ZBP1: variants seen among roughly 807,000 people sequenced by gnomAD.
ZBP1 encodes Z-DNA-binding protein 1.
A neutral mutation model predicts 41.1 loss-of-function variants in ZBP1; 42 were observed. That is an observed-to-expected ratio of 1.02 (90% CI 0.80 to 1.32). The LOEUF (loss-of-function observed/expected upper bound fraction) is 1.32, where lower values mean the gene tolerates loss of function less well. ZBP1 is among the 40% of genes most tolerant of loss of function. The probability of loss-of-function intolerance (pLI) is 0.00; values close to 1 mark genes in which losing one functional copy is unlikely to be tolerated. For missense variants in ZBP1, 562 were observed against 549.7 expected (o/e 1.02, Z -0.22); for synonymous variants, 214 against 205.2 (o/e 1.04, Z -0.37).
chr20:57,616,885 A>C, intron 1 of ZBP1: 1 of 215,908 alleles, frequency 4.6e-6, no homozygotes. Context: ...GCCTGGGTTT[A>C]CCTGATGCCC....
Position 57,604,501 on chromosome 20 carries a change from A to C in ZBP1, c.*72T>G, listed in dbSNP as rs1178151320. On this transcript the variant is annotated 3_prime_UTR_variant, in exon 8 of 8. Transcript: ENST00000371173. ...TCAAACAAGACGCTAAGGAATGCAG[A>C]GAGCAGCAGGCTAGTCTCCCTAGCA... is the stretch of plus-strand genomic sequence containing the variant. The C allele has an allele frequency of 6.4e-7, 1 of 1,555,318 alleles. No homozygotes were observed. Among genetic ancestry groups the C allele is most frequent in the Non-Finnish European group, 8.9e-7 (1 of 1,128,310 alleles).
rs750113106 is a variant in ZBP1 at position 57,604,589 on chromosome 20, C to A, written c.1274G>T (p.Trp425Leu). The A allele has an allele frequency of 1.1e-4, 184 of 1,613,692 alleles. No individual in the cohort carries two copies. Among genetic ancestry groups the A allele is most frequent in the Non-Finnish European group, 1.5e-4 (180 of 1,179,784 alleles). Reference sequence around the variant, plus strand: ...GGCTGTGCACTAAATCCCACCTCCCCACCAGCTCCCCTCGTGTGAGGCTTC... The same window carrying A: ...GGCTGTGCACTAAATCCCACCTCCCAACCAGCTCCCCTCGTGTGAGGCTTC... ...VDEASHEGSW[W>L]GGGI The change falls in exon 8 of 8, where the codon TGG (tryptophan) becomes TTG (leucine). Residue 425 changes from tryptophan (W) to leucine (L), a missense_variant. Trp to Leu is a moderately conservative substitution (Grantham distance 61). Transcript: ENST00000371173.
chr20:57,606,882 C>G (rs2070510683), intron 7 of ZBP1, among the ~76,000 whole-genome samples: 1 of 152,160 alleles, frequency 6.6e-6, no homozygotes, highest in Non-Finnish European at 1.5e-5. Flanking sequence ...TCTGAGTGTT[C>G]CGCATCCTGG....
chr20:57,606,712 C>T (rs1241152718), intron 7 of ZBP1, among the ~76,000 whole-genome samples: 1 of 152,166 alleles, frequency 6.6e-6, no homozygotes, highest in Non-Finnish European at 1.5e-5. Context: ...GATGCTAAAT[C>T]GACTCTGCCT....
At chr20:57,616,726 G>T in intron 1 of ZBP1, 1 of 494,148 alleles carries the variant, frequency 2.0e-6, no homozygotes, top group Non-Finnish European at 3.7e-6. Context: ...CCTCGCCTGT[G>T]CCCTCCCCGG....
At chr20:57,607,038 G>A (rs1248596310) in intron 7 of ZBP1, 2 of 1,292,420 alleles carry the variant, frequency 1.5e-6, no homozygotes, top group East Asian at 5.6e-5. Context: ...ATGGATTAAG[G>A]AGTAACTTCA....
rs969914928 is a variant in ZBP1 at position 57,613,936 on chromosome 20, G to T, written c.503-606C>A. ...GCGGGGCCCATCACCACCCTCCAGGGTCTCAGCTCCTGTGCCTTTGTGGGC... is the reference window on the plus strand; with the variant it reads ...GCGGGGCCCATCACCACCCTCCAGGTTCTCAGCTCCTGTGCCTTTGTGGGC... On this transcript the variant is annotated intron_variant, in intron 4 of 7. Coordinates refer to ENST00000371173, the MANE Select transcript of ZBP1 (RefSeq NM_030776.3). The surrounding 1 kb of genome is among the most constrained non-coding windows in gnomAD (Gnocchi z 4.5). 6.6e-6 allele frequency among the ~76,000 whole-genome samples: 1 copy of T among 152,220 alleles called. No homozygotes were observed. The highest frequency in any genetic ancestry group is 1.5e-5 in the Non-Finnish European group (1 of 68,046).
At position 57,604,640 on chromosome 20, in the gene ZBP1, G is replaced by A; in HGVS notation, c.1223C>T (p.Ala408Val). Residue 408 changes from alanine (A) to valine (V), a missense_variant, in exon 8 of 8, where the codon GCT (alanine) becomes GTT (valine). Coordinates refer to ENST00000371173, the MANE Select transcript of ZBP1 (RefSeq NM_030776.3). Reference sequence around the variant, plus strand: ...ATCCACATAGTGGCTGCCTTCTGCAGCTTTGTGACTCCTGTTTCCAAGAGT... The same window carrying A: ...ATCCACATAGTGGCTGCCTTCTGCAACTTTGTGACTCCTGTTTCCAAGAGT... ...TMTLGNRSHK[A>V]AEGSHYVDEA... 6.2e-7 allele frequency: 1 copy of A among 1,614,186 alleles called. No homozygotes were observed. Among genetic ancestry groups the A allele is most frequent in the Non-Finnish European group, 8.5e-7 (1 of 1,180,044 alleles).
At position 57,610,322 on chromosome 20, in the gene ZBP1, A is replaced by T. The variant is rs754072028; in HGVS notation, c.920T>A (p.Ile307Asn). 6 of 1,614,092 alleles carry T rather than the reference A, an allele frequency of 3.7e-6. No individual in the cohort carries two copies. The highest frequency in any genetic ancestry group is 5.1e-6 in the Non-Finnish European group (6 of 1,180,000). Residue 307 changes from isoleucine (I) to asparagine (N), a missense_variant, in exon 7 of 8, where the codon ATT becomes AAT. Ile to Asn is a moderately radical substitution (Grantham distance 149). Transcript: ENST00000371173. This position sits in a 1 kb window ranked among gnomAD's most constrained non-coding sequence, Gnocchi z 5.5. ...AGPEASFEAR[I>N]PSPGTHPEGE... ...CTCAGGGTGAGTTCCTGGACTGGGA[A>T]TTCTTGCTTCAAACGAAGCTTCTGG...
At position 57,604,421 on chromosome 20, in the gene ZBP1, C is replaced by T; in HGVS notation, c.*152G>A. On this transcript the variant is annotated 3_prime_UTR_variant, in exon 8 of 8. Coordinates refer to ENST00000371173, the MANE Select transcript of ZBP1 (RefSeq NM_030776.3). Reference sequence around the variant, plus strand: ...GACCTGGCCTGAACCCATCCCCATGCCAGGTCCATTCCCCCAAAACTGATT... The same window carrying T: ...GACCTGGCCTGAACCCATCCCCATGTCAGGTCCATTCCCCCAAAACTGATT... The T allele has an allele frequency of 1.0e-6, 1 of 971,060 alleles. No individual in the cohort carries two copies. Among genetic ancestry groups the T allele is most frequent in the Non-Finnish European group, 1.6e-6 (1 of 619,144 alleles). The allele number at this position is 971,060 out of a possible 1,614,324, so 60.2% of individuals were successfully genotyped here. A position where few individuals can be genotyped will look rare whatever the true frequency, so the allele number is the denominator to read the frequency against.
Position 57,611,734 on chromosome 20 carries a change from G to A in ZBP1, c.867C>T (p.Ser289=). The change falls in exon 6 of 8, where the codon AGC becomes AGT. Residue 289 remains serine (S), a synonymous_variant. Transcript: ENST00000371173. Reference sequence around the variant, plus strand: ...CCTCTAGATCCCAGTTACCTGGGGGGCTGCCAGGGGGGATGTGGGCAGGGC... The same window carrying A: ...CCTCTAGATCCCAGTTACCTGGGGGACTGCCAGGGGGGATGTGGGCAGGGC... ...SEGPAHIPPG[S]PPVSATAAGP... 1.2e-6 allele frequency: 2 copies of A among 1,608,380 alleles called. No homozygotes were observed. Among genetic ancestry groups the A allele is most frequent in the Middle Eastern group, 1.8e-4 (1 of 5,412 alleles).
intron 7 of ZBP1, among the ~76,000 whole-genome samples, chr20:57,606,650 G>C (rs1402865653): frequency 1.3e-5 from 2 of 152,200 alleles, no homozygotes; most frequent in East Asian, 3.8e-4. Context: ...GTGACTTTCA[G>C]CTGAAGCCTC....
chr20:57,615,158 G>T, intron 3 of ZBP1, 98 bp from the exon 4 acceptor site: 2 of 1,352,030 alleles, frequency 1.5e-6, no homozygotes, highest in Non-Finnish European at 2.1e-6. Flanking sequence ...AGCCCCTCAA[G>T]GCCTGGTTTC....
At chr20:57,618,677 G>A (rs1219729959) in intron 1 of ZBP1, among the ~76,000 whole-genome samples, 2 of 152,100 alleles carry the variant, frequency 1.3e-5, no homozygotes, top group Non-Finnish European at 2.9e-5. Flanking sequence ...CACCTCCTGG[G>A]TTCAAGCAAT....
At position 57,616,361 on chromosome 20, in the gene ZBP1, C is replaced by T. The variant is rs769676375; in HGVS notation, c.142G>A (p.Val48Ile). 6.2e-7 allele frequency: 1 copy of T among 1,614,208 alleles called. No homozygotes were observed. The highest frequency in any genetic ancestry group is 1.1e-5 in the South Asian group (1 of 91,084). Residue 48 changes from valine (V) to isoleucine (I), a missense_variant, in exon 2 of 8, where the codon GTC becomes ATC. Transcript: ENST00000371173. ...CQAPKRELNQ[V>I]LYRMKKELKV... Reference sequence around the variant, plus strand: ...AACTCCTTTTTCATTCGGTAGAGGACTTGGTTGAGCTCCCTCTTGGGTGCT... The same window carrying T: ...AACTCCTTTTTCATTCGGTAGAGGATTTGGTTGAGCTCCCTCTTGGGTGCT...
intron 5 of ZBP1, chr20:57,612,910 A>G: frequency 7.5e-7 from 1 of 1,338,358 alleles, no homozygotes; most frequent in Non-Finnish European, 9.6e-7. Flanking sequence ...AAATTTTATT[A>G]GAAAAATAAA....
chr20:57,610,192 T>C lies in ZBP1; in HGVS notation c.1050A>G (p.Gly350=). ...MSISPGVAGP[G]GVAGSGEGEP... is the part of the protein sequence containing the mutation. ...CCCCCTCTCCAGACCCTGCGACTCCTCCTGGGCCAGCCACCCCTGGGCTGA... is the reference window on the plus strand; with the variant it reads ...CCCCCTCTCCAGACCCTGCGACTCCCCCTGGGCCAGCCACCCCTGGGCTGA... Residue 350 remains glycine, a synonymous_variant, in exon 7 of 8, where the codon GGA becomes GGG. Coordinates refer to ENST00000371173, the MANE Select transcript of ZBP1 (RefSeq NM_030776.3). This position sits in a 1 kb window ranked among gnomAD's most constrained non-coding sequence, Gnocchi z 5.5. 3 of 1,614,118 alleles carry C rather than the reference T, an allele frequency of 1.9e-6. No individual in the cohort carries two copies. The highest frequency in any genetic ancestry group is 2.5e-6 in the Non-Finnish European group (3 of 1,180,014).
intron 7 of ZBP1, chr20:57,607,131 A>C (rs1049753272): frequency 1.5e-6 from 2 of 1,304,204 alleles, no homozygotes; most frequent in African/African-American, 3.0e-5. Context: ...GGATCTGGGC[A>C]AAGTAAGTTG....
chr20:57,616,632 G>A (rs1022816759), intron 1 of ZBP1, 164 bp from the exon 2 acceptor site: 2 of 671,240 alleles, frequency 3.0e-6, no homozygotes, highest in Non-Finnish European at 5.0e-6. Flanking sequence ...GAGCAGTAGG[G>A]CAGCTGCATC....
Sources: gnomAD v4.1 joint callset for allele counts (sites outside exome capture counted in the v4.1 genomes callset) on GRCh38, gnomAD v4.1.1 for gene constraint, Gnocchi (gnomAD v3.1) non-coding constraint, MANE v1.5 for transcripts, NCBI Gene and HGNC (gene_info 2026-07-23, HGNC 2026-07-21) for gene names.